Variants in ERG observed in about 807,000 individuals in gnomAD.
The protein encoded by ERG is transcriptional regulator ERG.
ERG carries 9 observed loss-of-function variants against 55.3 expected under a neutral mutation model. That is an observed-to-expected ratio of 0.16 (90% CI 0.10 to 0.28). The LOEUF (loss-of-function observed/expected upper bound fraction) is 0.28, where lower values mean the gene tolerates loss of function less well. ERG is among the 10% of genes least tolerant of loss of function. The pLI, the probability that ERG is intolerant of heterozygous loss-of-function variation, is 1.00. For missense variants in ERG, 434 were observed against 631.6 expected (o/e 0.69, Z 3.35); for synonymous variants, 223 against 237.3 (o/e 0.94, Z 0.55).
chr21:38,469,589 T>C (rs1399258243), intron 1 of ERG, among the ~76,000 whole-genome samples: 1 of 152,226 alleles, frequency 6.6e-6, no homozygotes, highest in Non-Finnish European at 1.5e-5. Flanking sequence ...TTTCAGGCAA[T>C]ATTAATTTGT....
Position 38,464,527 on chromosome 21 carries a change from G to C in ERG, c.19-18906C>G, listed in dbSNP as rs376290243. 9.9e-5 allele frequency among the ~76,000 whole-genome samples: 15 copies of C among 152,088 alleles called. No individual in the cohort carries two copies. The East Asian group carries it at 1.9e-3, about 20-fold the overall frequency. ...AACCTATCATATCGACGAATTCTTT[G>C]AAGTTGCCTTTATTCTACAGGATAT... On this transcript the variant is annotated intron_variant, in intron 1 of 9. Coordinates refer to ENST00000288319, the MANE Select transcript of ERG (RefSeq NM_182918.4).
At chr21:38,425,740 T>A (rs1388734089) in intron 2 of ERG, among the ~76,000 whole-genome samples, 1 of 152,234 alleles carries the variant, frequency 6.6e-6, no homozygotes, top group Non-Finnish European at 1.5e-5. Context: ...CCACTTCTTG[T>A]TAGTTGGAGT....
intron 2 of ERG, among the ~76,000 whole-genome samples, chr21:38,543,482 A>C: frequency 6.6e-6 from 1 of 152,052 alleles, no homozygotes; most frequent in East Asian, 1.9e-4. Context: ...CCAGTTATCT[A>C]CAATGGGCAT....
chr21:38,411,666 C>T (rs1419197377), intron 3 of ERG, among the ~76,000 whole-genome samples: 2 of 152,096 alleles, frequency 1.3e-5, no homozygotes, highest in Admixed American at 6.5e-5. Context: ...AGTGCATGGT[C>T]AGTTTTTATA....
At chr21:38,530,364 T>C (rs1285426793) in intron 2 of ERG, among the ~76,000 whole-genome samples, 2 of 152,116 alleles carry the variant, frequency 1.3e-5, no homozygotes, top group Non-Finnish European at 2.9e-5. Flanking sequence ...CCAGCAAGAA[T>C]GAGGTTTGAA....
At chr21:38,588,854 C>T (rs1218682011), upstream of ERG, among the ~76,000 whole-genome samples, 1 of 151,814 alleles carries the variant, frequency 6.6e-6, no homozygotes, top group African/African-American at 2.4e-5. Context: ...CTAGCTCAGA[C>T]TATAGGAAAA....
At chr21:38,648,345 C>T (rs576335460) in intron 1 of ERG, among the ~76,000 whole-genome samples, 1 of 152,292 alleles carries the variant, frequency 6.6e-6, no homozygotes, top group South Asian at 2.1e-4. Context: ...TGACCAGTGC[C>T]GTCCTGATCC....
At chr21:38,403,414 A>G in intron 4 of ERG, 92 bp downstream of exon 4, 2 of 1,243,398 alleles carry the variant, frequency 1.6e-6, no homozygotes, top group Admixed American at 1.8e-5. Context: ...GGGCAGGAGG[A>G]TGCTGTCGAC....
intron 1 of ERG, chr21:38,451,346 A>C (rs972302635): frequency 9.8e-6 from 4 of 409,746 alleles, no homozygotes; most frequent in African/African-American, 2.1e-5. Context: ...GCAATGGCTT[A>C]AATCAACAAC....
At chr21:38,641,493 C>A (rs1034277683) in intron 1 of ERG, among the ~76,000 whole-genome samples, 5 of 152,214 alleles carry the variant, frequency 3.3e-5, no homozygotes, top group Admixed American at 2.6e-4. Flanking sequence ...ATCATCAGGG[C>A]TGTTGCATCT....
chr21:38,558,720 G>T (rs574332116), intron 2 of ERG, among the ~76,000 whole-genome samples: 1 of 152,102 alleles, frequency 6.6e-6, no homozygotes, highest in Non-Finnish European at 1.5e-5. Flanking sequence ...AAATCTCCCC[G>T]ATTTACTTAA....
intron 2 of ERG, among the ~76,000 whole-genome samples, chr21:38,543,846 C>T (rs1339283099): frequency 6.6e-6 from 1 of 151,336 alleles, no homozygotes; most frequent in Non-Finnish European, 1.5e-5. Context: ...AAGCAGTTCT[C>T]CTGCCTCAGC....
At chr21:38,442,998 A>G (rs940265857) in intron 2 of ERG, among the ~76,000 whole-genome samples, 12 of 152,010 alleles carry the variant, frequency 7.9e-5, no homozygotes, top group African/African-American at 2.4e-4. Context: ...TAGTAGAGAC[A>G]GGGTTTCACC....
chr21:38,518,731 T>C (rs1568876174), intron 2 of ERG, among the ~76,000 whole-genome samples: 1 of 152,016 alleles, frequency 6.6e-6, no homozygotes, highest in Non-Finnish European at 1.5e-5. Flanking sequence ...GGAAAGATTT[T>C]AAAAACAAGG....
At chr21:38,496,795 C>G (rs2059383216) in intron 1 of ERG, among the ~76,000 whole-genome samples, 1 of 152,086 alleles carries the variant, frequency 6.6e-6, no homozygotes, top group Non-Finnish European at 1.5e-5. Flanking sequence ...GCAAAATGTA[C>G]CTACCTTCTA....
At position 38,512,638 on chromosome 21, in the gene ERG, T is replaced by A. The variant is rs541398340; in HGVS notation, c.-41+63024A>T. On this transcript the variant is annotated intron_variant, in intron 2 of 8. Coordinates refer to the ERG transcript ENST00000398897. ...ATTATCACATATGTATATTAGCATA[T>A]GCAGAGAAAACATCTTAAAATACAA... 8.5e-5 allele frequency among the ~76,000 whole-genome samples: 13 copies of A among 152,342 alleles called. No individual in the cohort carries two copies. In the East Asian group the frequency reaches 2.5e-3, roughly 29 times the overall value.
chr21:38,492,209 A>G (rs1469948076), intron 1 of ERG, among the ~76,000 whole-genome samples: 1 of 152,208 alleles, frequency 6.6e-6, no homozygotes, highest in Admixed American at 6.5e-5. Flanking sequence ...CCTTATCTGT[A>G]AGAAAGCAGC....
At chr21:38,580,154 C>T (rs2060020245) in intron 1 of ERG, among the ~76,000 whole-genome samples, 1 of 152,046 alleles carries the variant, frequency 6.6e-6, no homozygotes, top group Non-Finnish European at 1.5e-5. Flanking sequence ...CGGGGTTTCA[C>T]CGTGTCGGCC....
intron 1 of ERG, among the ~76,000 whole-genome samples, chr21:38,497,913 T>C (rs1019774421): frequency 1.1e-4 from 17 of 152,204 alleles, no homozygotes; most frequent in African/African-American, 4.1e-4. Context: ...TCGCTTCCAC[T>C]GGGACTGCCT....
Sources: allele counts gnomAD v4.1 joint callset (sites outside exome capture counted in the v4.1 genomes callset), GRCh38; gene constraint gnomAD v4.1.1; transcripts MANE v1.5; gene names NCBI Gene and HGNC (gene_info 2026-07-23, HGNC 2026-07-21).